TEKT1: variants seen among roughly 807,000 people sequenced by gnomAD.
TEKT1 encodes the protein tektin 1.
TEKT1 carries 32 observed loss-of-function variants against 34.8 expected under a neutral mutation model. The observed-to-expected ratio is 0.92, with a 90% CI of 0.69 to 1.23. TEKT1 has a LOEUF of 1.23. Among genes scored for constraint, TEKT1 ranks in the 50% most tolerant of loss-of-function variants. TEKT1 has a pLI of 0.00. For synonymous variants in TEKT1, 207 were observed against 199.8 expected, an observed-to-expected ratio of 1.04 and a Z score of -0.30; for missense variants, 492 against 518.5, an observed-to-expected ratio of 0.95 and a Z score of 0.50.
chr17:6,808,493 C>A (rs1976880732), intron 6 of TEKT1, among the ~76,000 whole-genome samples: 1 of 152,182 alleles, frequency 6.6e-6, no homozygotes, highest in South Asian at 2.1e-4. Flanking sequence ...CTTTCCGACA[C>A]TCCCCAGTGA....
intron 5 of TEKT1, among the ~76,000 whole-genome samples, chr17:6,813,718 G>A (rs1799888450): frequency 6.6e-6 from 1 of 152,070 alleles, no homozygotes; most frequent in Non-Finnish European, 1.5e-5. Context: ...GATAGGGATG[G>A]TGATAATGTT....
chr17:6,800,851 C>T lies in TEKT1; in HGVS notation c.945G>A (p.Thr315=), dbSNP rs536852793. 31 of 1,614,014 alleles carry T rather than the reference C, an allele frequency of 1.9e-5. No homozygotes were observed. The highest frequency in any genetic ancestry group is 2.7e-5 in the African/African-American group (2 of 74,910). The stretch of plus-strand genomic sequence containing the variant: ...GCCGGTGTGTCCTGGTCTCCAAGCG[C>T]GTATGAGCCACCTTGGCTGGCCCTT... ...DQEGPAKVAH[T]RLETRTHRPN... is the part of the protein sequence containing the mutation. The change falls in exon 7 of 8, where the codon ACG becomes ACA. Residue 315 remains threonine, a synonymous_variant. Coordinates refer to ENST00000338694, the MANE Select transcript of TEKT1 (RefSeq NM_053285.2).
chr17:6,815,829 C>T lies in TEKT1; in HGVS notation c.485+5G>A. 6.2e-7 allele frequency: 1 copy of T among 1,614,098 alleles called. No individual in the cohort carries two copies. The highest frequency in any genetic ancestry group is 8.5e-7 in the Non-Finnish European group (1 of 1,180,010). ...AGATTTGGAGGGCAGGCCGAAGAGT[C>T]ATACCGAATCTGCTCGGAAGCCTCC... is the stretch of plus-strand genomic sequence containing the variant. On this transcript the variant is annotated splice_donor_5th_base_variant and intron_variant, in intron 4 of 7. Transcript: ENST00000338694.
At chr17:6,801,713 A>T (rs939814289) in intron 6 of TEKT1, among the ~76,000 whole-genome samples, 1 of 152,242 alleles carries the variant, frequency 6.6e-6, no homozygotes, top group Non-Finnish European at 1.5e-5. Context: ...GCCTCAGAAA[A>T]AAAAGAAAAG....
At position 6,812,971 on chromosome 17, in the gene TEKT1, G is replaced by C; in HGVS notation, c.712C>G (p.Leu238Val). Residue 238 changes from leucine (L) to valine (V), a missense_variant, in exon 6 of 8, where the codon CTG becomes GTG. Leu to Val is a conservative substitution (Grantham distance 32). Coordinates refer to ENST00000338694, the MANE Select transcript of TEKT1 (RefSeq NM_053285.2). ...AGGATTCGATCCACCAGGGCTTTCAGCATCAGGGAGTTGTTCCGCTGCTTG... is the reference window on the plus strand; with the variant it reads ...AGGATTCGATCCACCAGGGCTTTCACCATCAGGGAGTTGTTCCGCTGCTTG... ...ADKQRNNSLMLKALVDRILSQ... is the reference protein window; with the variant it reads ...ADKQRNNSLMVKALVDRILSQ... The C allele has an allele frequency of 6.2e-7, 1 of 1,614,238 alleles. No individual in the cohort carries two copies. Among genetic ancestry groups the C allele is most frequent in the Non-Finnish European group, 8.5e-7 (1 of 1,180,046 alleles).
chr17:6,825,467 G>A (rs1904368398), intron 2 of TEKT1, among the ~76,000 whole-genome samples: 1 of 152,142 alleles, frequency 6.6e-6, no homozygotes, highest in Admixed American at 6.5e-5. Flanking sequence ...CACCAGCACA[G>A]GTACTTGCAA....
At chr17:6,819,595 C>T (rs1324030954) in intron 2 of TEKT1, among the ~76,000 whole-genome samples, 2 of 152,212 alleles carry the variant, frequency 1.3e-5, no homozygotes, top group Non-Finnish European at 2.9e-5. Context: ...TTCTTCAGTG[C>T]CCACTGTTTT....
At chr17:6,801,511 C>T (rs1293132751) in intron 6 of TEKT1, among the ~76,000 whole-genome samples, 1 of 152,074 alleles carries the variant, frequency 6.6e-6, no homozygotes, top group African/African-American at 2.4e-5. Context: ...AGTTCGAGAC[C>T]AGCCTGCCAA....
chr17:6,828,481 A>G (rs1042315338), intron 2 of TEKT1, among the ~76,000 whole-genome samples: 3 of 152,242 alleles, frequency 2.0e-5, no homozygotes, highest in African/African-American at 7.2e-5. Flanking sequence ...AGTTACCAAC[A>G]TTTAAAACGT....
intron 2 of TEKT1, among the ~76,000 whole-genome samples, chr17:6,827,258 T>A (rs71383429): frequency 3.2e-5 from 2 of 62,560 alleles, no homozygotes; most frequent in African/African-American, 3.6e-4. Flanking sequence ...GTTGTGCCAA[T>A]TTTTTTTTTT....
chr17:6,813,953 T>C (rs1976964513), intron 5 of TEKT1, among the ~76,000 whole-genome samples: 1 of 151,432 alleles, frequency 6.6e-6, no homozygotes, highest in Non-Finnish European at 1.5e-5. Flanking sequence ...CCGTTCTCTC[T>C]CTCTCTCTCT....
At chr17:6,800,321 AG>A in intron 7 of TEKT1, 87 bp from the exon 8 acceptor site, 1 of 1,187,568 alleles carries the variant, frequency 8.4e-7, no homozygotes, top group Admixed American at 2.4e-5. Flanking sequence ...TGTTCAGTGC[AG>A]GAGCCAAATT....
At chr17:6,814,620 C>T (rs1310565776) in intron 5 of TEKT1, among the ~76,000 whole-genome samples, 5 of 152,056 alleles carry the variant, frequency 3.3e-5, no homozygotes, top group Non-Finnish European at 7.4e-5. Context: ...GGGCAGATCA[C>T]GAGGTCAGGA....
chr17:6,815,105 T>C (rs1027704517), intron 5 of TEKT1, 58 bp downstream of exon 5: 8 of 1,562,424 alleles, frequency 5.1e-6, no homozygotes, highest in Non-Finnish European at 5.2e-6. Context: ...CGCTAGGTCT[T>C]GCCTATCTGA....
chr17:6,808,586 T>C (rs2151583976), intron 6 of TEKT1, among the ~76,000 whole-genome samples: 1 of 152,294 alleles, frequency 6.6e-6, no homozygotes, highest in African/African-American at 2.4e-5. Context: ...GCTGGAGCTG[T>C]TCCTATTTGA....
chr17:6,831,380 T>A (rs965505025), intron 1 of TEKT1, among the ~76,000 whole-genome samples: 1 of 152,164 alleles, frequency 6.6e-6, no homozygotes, highest in Non-Finnish European at 1.5e-5. Context: ...TAGAGTCAGA[T>A]CTTGACTAGG....
In TEKT1 at chr17:6,800,239, G is replaced by A. The variant is rs1329896776; in HGVS notation, c.1050-5C>T. ...TGGGCTAAAGTTTCCTTCAATCTAG[G>A]AGAAAGGGAAGAAGAGAAGAGAATA... On this transcript the variant is annotated splice_region_variant and splice_polypyrimidine_tract_variant and intron_variant, in intron 7 of 7. Coordinates refer to ENST00000338694, the MANE Select transcript of TEKT1 (RefSeq NM_053285.2). 6.2e-7 allele frequency: 1 copy of A among 1,611,782 alleles called. No individual in the cohort carries two copies. The highest frequency in any genetic ancestry group is 8.5e-7 in the Non-Finnish European group (1 of 1,179,294).
Position 6,800,960 on chromosome 17 carries a change from G to C in TEKT1, c.853-17C>G, listed in dbSNP as rs1207431321. ...TTCCATGACCTTACAAAAAGGATTA[G>C]AGTAGGTGAGGCCAAGCTGTGCTCC... On this transcript the variant is annotated splice_polypyrimidine_tract_variant and intron_variant, in intron 6 of 7. Transcript: ENST00000338694. 6.2e-7 allele frequency: 1 copy of C among 1,603,408 alleles called. No homozygotes were observed. The highest frequency in any genetic ancestry group is 2.2e-5 in the East Asian group (1 of 44,718).
rs202240700 is a variant in TEKT1 at position 6,813,011 on chromosome 17, A to G, written c.672T>C (p.Asn224=). 7.4e-6 allele frequency: 12 copies of G among 1,614,110 alleles called. No individual in the cohort carries two copies. The African/African-American group carries it at 1.3e-4, about 18-fold the overall frequency. The change falls in exon 6 of 8, where the codon AAT becomes AAC. Residue 224 remains asparagine (N), a synonymous_variant. Transcript: ENST00000338694. The part of the protein sequence containing the change: ...LEDWLDFSST[N]VEKADKQRNN... Reference sequence around the variant, plus strand: ...TCCGCTGCTTGTCAGCCTTCTCCACATTGGTGCTGGAGAAGTCCAACCAGT... The same window carrying G: ...TCCGCTGCTTGTCAGCCTTCTCCACGTTGGTGCTGGAGAAGTCCAACCAGT...
Sources: allele counts gnomAD v4.1 joint callset (sites outside exome capture counted in the v4.1 genomes callset), GRCh38; gene constraint gnomAD v4.1.1; transcripts MANE v1.5; gene names NCBI Gene and HGNC (gene_info 2026-07-23, HGNC 2026-07-21).